The following GALNT16 variants were observed in gnomAD, a reference collection of about 807,000 sequenced individuals.
GALNT16 encodes the protein UDP-GalNAc:polypeptide N-acetylgalactosaminyltransferase-like protein 1.
GALNT16 carries 40 observed loss-of-function variants against 76.1 expected under a neutral mutation model. The observed-to-expected ratio is 0.53, with a 90% CI of 0.41 to 0.68. The LOEUF (loss-of-function observed/expected upper bound fraction) is 0.68. GALNT16 is among the 30% of genes least tolerant of loss of function. The pLI is 0.00. For synonymous variants in GALNT16, 276 were observed against 285.2 expected, an observed-to-expected ratio of 0.97 and a Z score of 0.32; for missense variants, 621 against 731.9, an observed-to-expected ratio of 0.85 and a Z score of 1.75.
chr14:69,332,967 A>G, intron 7 of GALNT16, 118 bp from the exon 8 acceptor site: 2 of 756,314 alleles, frequency 2.6e-6, no homozygotes, highest in Non-Finnish European at 2.4e-6. Flanking sequence ...TGAAGGAGGG[A>G]CTGCACGAAG....
the GALNT16 span, among the ~76,000 whole-genome samples, chr14:69,378,911 T>C: frequency 2.3e-4 from 35 of 152,308 alleles, no homozygotes; most frequent in Non-Finnish European, 3.5e-4. Flanking sequence ...TTTGGATCTA[T>C]TTCTTTTTGT....
intron 14 of GALNT16, chr14:69,351,375 C>T (rs1394965733): frequency 6.6e-6 from 1 of 152,216 alleles, no homozygotes; most frequent in Non-Finnish European, 1.5e-5. Flanking sequence ...CAACTGATGC[C>T]ATGTAAGAAA....
chr14:69,261,027 C>A lies in GALNT16; in HGVS notation c.177+560C>A, dbSNP rs926797677. Among the ~76,000 whole-genome samples the A allele has an allele frequency of 1.3e-5, 2 of 152,210 alleles. No homozygotes were observed. Among genetic ancestry groups the A allele is most frequent in the African/African-American group, 4.8e-5 (2 of 41,464 alleles). On this transcript the variant is annotated intron_variant, in intron 1 of 14. Transcript: ENST00000448469. This position sits in a 1 kb window ranked among gnomAD's most constrained non-coding sequence, Gnocchi z 6.4. Reference sequence around the variant, plus strand: ...AACCCGCTTCTTCGGCGCGGACACCCAGCTTCCCCGGAGTTCTCTGGGTTG... The same window carrying A: ...AACCCGCTTCTTCGGCGCGGACACCAAGCTTCCCCGGAGTTCTCTGGGTTG...
intron 6 of GALNT16, among the ~76,000 whole-genome samples, chr14:69,330,216 G>A (rs376192240): frequency 6.6e-6 from 1 of 152,118 alleles, no homozygotes; most frequent in Non-Finnish European, 1.5e-5. Context: ...AAAATGTGGT[G>A]TATCCATACA....
the GALNT16 span, among the ~76,000 whole-genome samples, chr14:69,370,028 T>C: frequency 1.3e-5 from 2 of 152,234 alleles, no homozygotes; most frequent in Admixed American, 1.3e-4. Context: ...CCCTTTTCTA[T>C]TGGCATTCTT....
At chr14:69,379,944 A>G in the GALNT16 span, among the ~76,000 whole-genome samples, 1 of 148,778 alleles carries the variant, frequency 6.7e-6, no homozygotes, top group Non-Finnish European at 1.5e-5. Flanking sequence ...GATTCATTTA[A>G]TTATGCTGGA....
chr14:69,361,648 G>A (rs1268496716), downstream of GALNT16, among the ~76,000 whole-genome samples: 12 of 152,168 alleles, frequency 7.9e-5, no homozygotes, highest in Admixed American at 7.9e-4. Flanking sequence ...GGTAGGATGA[G>A]CCAACGTTGG....
intron 1 of GALNT16, among the ~76,000 whole-genome samples, chr14:69,302,019 A>T (rs2044860842): frequency 6.6e-6 from 1 of 152,108 alleles, no homozygotes; most frequent in Admixed American, 6.6e-5. Context: ...CTCAAGAGGG[A>T]TTCTTAACAA....
intron 14 of GALNT16, 40 bp downstream of exon 14, chr14:69,348,042 G>A (rs749459305): frequency 1.4e-5 from 23 of 1,609,266 alleles, no homozygotes; most frequent in Middle Eastern, 1.6e-4. Context: ...CCAGCAGCCC[G>A]AGGGGCCATG....
intron 1 of GALNT16, among the ~76,000 whole-genome samples, chr14:69,280,627 TC>T (rs2044528356): frequency 6.6e-6 from 1 of 152,138 alleles, no homozygotes; most frequent in Non-Finnish European, 1.5e-5. Flanking sequence ...CATAACTTTT[TC>T]TTACCGTTTT....
intron 1 of GALNT16, among the ~76,000 whole-genome samples, chr14:69,312,674 C>T (rs1187035447): frequency 6.6e-6 from 1 of 152,170 alleles, no homozygotes; most frequent in Non-Finnish European, 1.5e-5. Flanking sequence ...TCTGTTCTTC[C>T]ATGTTCTTTT....
chr14:69,369,831 C>T, the GALNT16 span, among the ~76,000 whole-genome samples: 1 of 152,192 alleles, frequency 6.6e-6, no homozygotes, highest in Non-Finnish European at 1.5e-5. Flanking sequence ...TAAGGTCCCC[C>T]TGAGGACAGC....
chr14:69,336,557 A>G (rs1468064729), intron 9 of GALNT16, among the ~76,000 whole-genome samples: 1 of 152,128 alleles, frequency 6.6e-6, no homozygotes, highest in Non-Finnish European at 1.5e-5. Context: ...TGTCCCTTTT[A>G]TAGTGACAAC....
At chr14:69,287,359 G>A (rs1439151125) in intron 1 of GALNT16, among the ~76,000 whole-genome samples, 1 of 152,228 alleles carries the variant, frequency 6.6e-6, no homozygotes, top group African/African-American at 2.4e-5. Context: ...TGCTCAGTAA[G>A]TGTTTACTGG....
chr14:69,347,170 CAGCCCGCCCA>C lies in GALNT16; in HGVS notation c.1403_1412del (p.Gln468ArgfsTer23), dbSNP rs2045576502. On this transcript the variant is annotated frameshift_variant and splice_region_variant, in exon 13 of 15. Coordinates refer to ENST00000448469, the MANE Select transcript of GALNT16 (RefSeq NM_001168368.2). LOFTEE classifies it high-confidence loss of function. ...CTGCAGAGGGTCTGCCAAGAACCCG[CAGCCCGCCCA>C]GGTAAGGACCTCGGGTAGGAATGGG... is the stretch of plus-strand genomic sequence containing the variant. 1 of 1,608,450 alleles carries C rather than the reference CAGCCCGCCCA, an allele frequency of 6.2e-7. No homozygotes were observed. The highest frequency in any genetic ancestry group is 8.5e-7 in the Non-Finnish European group (1 of 1,176,492).
intron 14 of GALNT16, 108 bp downstream of exon 14, chr14:69,348,110 G>A: frequency 8.6e-7 from 1 of 1,164,804 alleles, no homozygotes; most frequent in East Asian, 2.4e-5. Flanking sequence ...AAGCCCTTCA[G>A]AGCGAGGATC....
At chr14:69,275,160 C>T (rs1249419120) in intron 1 of GALNT16, among the ~76,000 whole-genome samples, 1 of 152,114 alleles carries the variant, frequency 6.6e-6, no homozygotes, top group Non-Finnish European at 1.5e-5. Flanking sequence ...GATAGAGGGA[C>T]TGGGGCAGAG....
At chr14:69,371,951 A>T in the GALNT16 span, among the ~76,000 whole-genome samples, 1 of 152,130 alleles carries the variant, frequency 6.6e-6, no homozygotes, top group African/African-American at 2.4e-5. Flanking sequence ...CAAAAAAAAT[A>T]AAAAAATAAA....
chr14:69,290,259 C>G (rs2044672534), intron 1 of GALNT16, among the ~76,000 whole-genome samples: 1 of 152,226 alleles, frequency 6.6e-6, no homozygotes. Context: ...TTGCAAGGTT[C>G]TTAGGAGGCA....
Sources: allele counts gnomAD v4.1 joint callset (sites outside exome capture counted in the v4.1 genomes callset), GRCh38; gene constraint gnomAD v4.1.1; non-coding constraint Gnocchi (gnomAD v3.1); transcripts MANE v1.5; gene names NCBI Gene and HGNC (gene_info 2026-07-23, HGNC 2026-07-21).